The following TAFA1 variants were observed in gnomAD, a reference collection of about 807,000 sequenced individuals.
TAFA1 encodes the protein chemokine-like protein TAFA-1.
Under a neutral mutation model 18.5 loss-of-function variants are expected in TAFA1, and 4 were observed. The ratio of observed to expected loss-of-function variants is 0.22; its 90% CI spans 0.11 to 0.49. The LOEUF (loss-of-function observed/expected upper bound fraction) is 0.49, where lower values mean the gene tolerates loss of function less well. Ranked by LOEUF, TAFA1 falls within the 20% of genes least tolerant of loss-of-function variation. TAFA1 has a pLI of 0.98. For missense variants in TAFA1, 147 were observed against 169.0 expected (o/e 0.87, Z 0.72); for synonymous variants, 56 against 55.2 (o/e 1.01, Z -0.06).
chr3:68,478,787 T>C (rs151059623), intron 3 of TAFA1, among the ~76,000 whole-genome samples: 55 of 152,168 alleles, frequency 3.6e-4, no homozygotes, highest in Admixed American at 7.2e-4. Flanking sequence ...GAAAAAGGTA[T>C]GTGTTGTATA....
chr3:68,324,596 C>T (rs2068747714), intron 2 of TAFA1, among the ~76,000 whole-genome samples: 1 of 152,108 alleles, frequency 6.6e-6, no homozygotes, highest in Non-Finnish European at 1.5e-5. Flanking sequence ...ATTGAATGCT[C>T]ACAAGTATTT....
intron 2 of TAFA1, among the ~76,000 whole-genome samples, chr3:68,278,443 CAT>C (rs942568964): frequency 7.9e-5 from 12 of 152,218 alleles, no homozygotes; most frequent in African/African-American, 2.9e-4. Context: ...TTTTTGCTAC[CAT>C]CCCTTTTTTA....
At chr3:68,290,713 A>G (rs993561592) in intron 2 of TAFA1, among the ~76,000 whole-genome samples, 2 of 152,134 alleles carry the variant, frequency 1.3e-5, no homozygotes, top group Non-Finnish European at 2.9e-5. Flanking sequence ...GATATATCTA[A>G]TTTTCTCCTT....
chr3:68,283,381 C>T (rs1430831268), intron 2 of TAFA1, among the ~76,000 whole-genome samples: 5 of 152,100 alleles, frequency 3.3e-5, no homozygotes, highest in African/African-American at 1.2e-4. Flanking sequence ...ATTATACACA[C>T]CAAGTCAGGT....
At chr3:68,156,986 G>A (rs1021744342) in intron 2 of TAFA1, among the ~76,000 whole-genome samples, 1 of 152,022 alleles carries the variant, frequency 6.6e-6, no homozygotes, top group African/African-American at 2.4e-5. Context: ...TAAGCCCTGG[G>A]GAAAATGTTC....
intron 2 of TAFA1, among the ~76,000 whole-genome samples, chr3:68,226,222 T>A (rs1468230990): frequency 1.3e-5 from 2 of 152,176 alleles, no homozygotes; most frequent in African/African-American, 2.4e-5. Flanking sequence ...ATAAAATGAT[T>A]TTGTGCCATA....
In TAFA1 at chr3:68,048,522, T is replaced by A. The variant is rs879816427; in HGVS notation, c.118+41778T>A. Among the ~76,000 whole-genome samples, 3 of 152,144 alleles carry A rather than the reference T, an allele frequency of 2.0e-5. No homozygotes were observed. The East Asian group carries it at 5.8e-4, about 29-fold the overall frequency. On this transcript the variant is annotated intron_variant, in intron 2 of 4. Transcript: ENST00000478136. ...TTATTGTCAACTGTTGTTATTCTGT[T>A]GTACTATCAAACACTAGATCTTATT...
At chr3:68,482,194 T>C (rs1168221824) in intron 3 of TAFA1, among the ~76,000 whole-genome samples, 2 of 152,194 alleles carry the variant, frequency 1.3e-5, no homozygotes, top group African/African-American at 4.8e-5. Flanking sequence ...GTATTTTTAA[T>C]AGAGACGGGG....
At chr3:68,400,132 A>G (rs969524098) in intron 2 of TAFA1, among the ~76,000 whole-genome samples, 2 of 152,136 alleles carry the variant, frequency 1.3e-5, no homozygotes, top group Admixed American at 6.6e-5. Flanking sequence ...CCAGGTCACA[A>G]TCCCACTCCT....
chr3:68,042,809 C>T (rs1201915275), intron 2 of TAFA1, among the ~76,000 whole-genome samples: 1 of 152,154 alleles, frequency 6.6e-6, no homozygotes, highest in African/African-American at 2.4e-5. Flanking sequence ...CTGGTGACTC[C>T]AGTTCAATTC....
At chr3:68,410,964 T>C (rs528773005) in intron 2 of TAFA1, among the ~76,000 whole-genome samples, 10 of 152,310 alleles carry the variant, frequency 6.6e-5, no homozygotes, top group African/African-American at 2.2e-4. Context: ...ACAAATACAT[T>C]GGATTAAAAT....
At chr3:68,498,564 T>A (rs1038484674) in intron 3 of TAFA1, among the ~76,000 whole-genome samples, 4 of 152,074 alleles carry the variant, frequency 2.6e-5, no homozygotes, top group Admixed American at 2.6e-4. Context: ...TGTCTGACCT[T>A]GGCTGAAAAC....
At chr3:68,334,062 T>G (rs2068927699) in intron 2 of TAFA1, among the ~76,000 whole-genome samples, 1 of 152,178 alleles carries the variant, frequency 6.6e-6, no homozygotes, top group Non-Finnish European at 1.5e-5. Flanking sequence ...GATGAAAAAG[T>G]TCAGGAGGCC....
At chr3:68,414,162 C>A (rs1217034906) in intron 2 of TAFA1, among the ~76,000 whole-genome samples, 2 of 152,112 alleles carry the variant, frequency 1.3e-5, no homozygotes, top group African/African-American at 4.8e-5. Context: ...AAAAAATTAG[C>A]TGGGCATGGT....
chr3:68,342,746 T>G (rs2069105434), intron 2 of TAFA1, among the ~76,000 whole-genome samples: 1 of 152,298 alleles, frequency 6.6e-6, no homozygotes, highest in South Asian at 2.1e-4. Context: ...TATTATGCTG[T>G]AGGCAAATAT....
chr3:68,011,552 T>C (rs1413990149), intron 2 of TAFA1, among the ~76,000 whole-genome samples: 1 of 152,194 alleles, frequency 6.6e-6, no homozygotes, highest in African/African-American at 2.4e-5. Flanking sequence ...TATTCAATAT[T>C]ACTTTATTGA....
chr3:68,049,603 T>C lies in TAFA1; in HGVS notation c.118+42859T>C, dbSNP rs530297789. 9.9e-5 allele frequency among the ~76,000 whole-genome samples: 15 copies of C among 151,962 alleles called. No individual in the cohort carries two copies. The South Asian group carries it at 2.9e-3, about 29-fold the overall frequency. On this transcript the variant is annotated intron_variant, in intron 2 of 4. Coordinates refer to ENST00000478136, the MANE Select transcript of TAFA1 (RefSeq NM_213609.4). ...GGAAATGGTAGCCCTGATAGGTTAC[T>C]TGGAGTTGGAGGGAATATTTCCCAA...
chr3:68,339,178 T>C (rs1372551180), intron 2 of TAFA1, among the ~76,000 whole-genome samples: 1 of 152,228 alleles, frequency 6.6e-6, no homozygotes, highest in Non-Finnish European at 1.5e-5. Context: ...CAGCAGTGCT[T>C]ACATCCACCA....
intron 2 of TAFA1, among the ~76,000 whole-genome samples, chr3:68,160,267 G>A (rs1028585995): frequency 6.6e-6 from 1 of 152,148 alleles, no homozygotes. Flanking sequence ...TTAAGGTTTT[G>A]TTGGCCATAT....
Sources: allele counts gnomAD v4.1 joint callset (sites outside exome capture counted in the v4.1 genomes callset), GRCh38; gene constraint gnomAD v4.1.1; transcripts MANE v1.5; gene names NCBI Gene and HGNC (gene_info 2026-07-23, HGNC 2026-07-21).